KCNAB1: variants seen among roughly 807,000 people sequenced by gnomAD.
The protein encoded by KCNAB1 is voltage-gated potassium channel subunit beta-1.
Under a neutral mutation model 64.6 loss-of-function variants are expected in KCNAB1, and 35 were observed. The ratio of observed to expected loss-of-function variants is 0.54; its 90% CI spans 0.41 to 0.72. KCNAB1 has a LOEUF of 0.72. Ranked by LOEUF, KCNAB1 falls within the 30% of genes least tolerant of loss-of-function variation. The probability of loss-of-function intolerance (pLI) is 0.00; values close to 1 mark genes in which losing one functional copy is unlikely to be tolerated. For synonymous variants in KCNAB1, 177 were observed against 183.8 expected (o/e 0.96, Z 0.30); for missense variants, 401 against 512.9 (o/e 0.78, Z 2.11).
At chr3:156,474,957 CTT>C (rs1714232226) in intron 8 of KCNAB1, 137 bp downstream of exon 8, 2 of 687,048 alleles carry the variant, frequency 2.9e-6, no homozygotes, top group Non-Finnish European at 4.9e-6. Context: ...TGACTGATGC[CTT>C]TTGGCCTCAG....
At chr3:156,143,352 A>G (rs1361556545) in intron 1 of KCNAB1, 2 of 1,612,104 alleles carry the variant, frequency 1.2e-6, no homozygotes, top group Non-Finnish European at 1.7e-6. Context: ...AATATGTGGA[A>G]AAGTTTCTAC....
chr3:156,538,751 A>C (rs1719253089), downstream of KCNAB1: 1 of 152,382 alleles, frequency 6.6e-6, no homozygotes, highest in Middle Eastern at 3.4e-3. Flanking sequence ...TGCACTGAAT[A>C]CTCAACAGAA....
chr3:156,307,009 T>G (rs923095689), intron 1 of KCNAB1, among the ~76,000 whole-genome samples: 1 of 152,224 alleles, frequency 6.6e-6, no homozygotes, highest in Non-Finnish European at 1.5e-5. Flanking sequence ...GTGTAAAAAT[T>G]AAATTTCCTT....
At chr3:156,156,908 A>C (rs1715760614) in intron 1 of KCNAB1, among the ~76,000 whole-genome samples, 1 of 152,144 alleles carries the variant, frequency 6.6e-6, no homozygotes, top group Admixed American at 6.5e-5. Context: ...GTGTAGAGAG[A>C]GATTATAACA....
At chr3:156,199,829 A>G (rs1714209099) in intron 1 of KCNAB1, among the ~76,000 whole-genome samples, 1 of 152,292 alleles carries the variant, frequency 6.6e-6, no homozygotes, top group East Asian at 1.9e-4. Context: ...TCAATTCATC[A>G]AACTCATTAT....
chr3:156,318,327 T>A (rs1722428242), intron 1 of KCNAB1, among the ~76,000 whole-genome samples: 1 of 152,086 alleles, frequency 6.6e-6, no homozygotes, highest in Non-Finnish European at 1.5e-5. Flanking sequence ...CTCTGAGGGG[T>A]CATCACAAAC....
At chr3:156,444,045 C>A (rs1003137586) in intron 2 of KCNAB1, among the ~76,000 whole-genome samples, 3 of 152,194 alleles carry the variant, frequency 2.0e-5, no homozygotes, top group Non-Finnish European at 4.4e-5. Flanking sequence ...GCCAGATGCT[C>A]ATTAGCAACA....
At chr3:156,263,792 G>C (rs1015503407) in intron 1 of KCNAB1, among the ~76,000 whole-genome samples, 1 of 152,000 alleles carries the variant, frequency 6.6e-6, no homozygotes, top group Non-Finnish European at 1.5e-5. Context: ...TATGTAAATA[G>C]TTGCATTGTA....
At chr3:156,349,603 C>T (rs1724724511) in intron 1 of KCNAB1, among the ~76,000 whole-genome samples, 1 of 152,154 alleles carries the variant, frequency 6.6e-6, no homozygotes, top group Non-Finnish European at 1.5e-5. Context: ...ACTCTGTCAC[C>T]CAGGCTGGAG....
At chr3:156,352,565 T>A (rs1216431150) in intron 1 of KCNAB1, among the ~76,000 whole-genome samples, 1 of 152,238 alleles carries the variant, frequency 6.6e-6, no homozygotes, top group Non-Finnish European at 1.5e-5. Context: ...GAGTATCCCA[T>A]ACTTTAATGG....
At chr3:156,237,975 T>C (rs940249657) in intron 1 of KCNAB1, among the ~76,000 whole-genome samples, 1 of 152,138 alleles carries the variant, frequency 6.6e-6, no homozygotes, top group African/African-American at 2.4e-5. Flanking sequence ...AGGGGTTGGA[T>C]AGACATTTGT....
At chr3:156,511,628 ACT>A (rs1267295171) in intron 8 of KCNAB1, among the ~76,000 whole-genome samples, 17 of 151,214 alleles carry the variant, frequency 1.1e-4, no homozygotes, top group African/African-American at 3.2e-4. Context: ...TCCATCCACC[ACT>A]CTCTCTGTTT....
At chr3:156,291,840 T>G in intron 1 of KCNAB1, 12 of 1,601,714 alleles carry the variant, frequency 7.5e-6, no homozygotes, top group Non-Finnish European at 1.0e-5. Context: ...TCCCCGCAAC[T>G]GCTCAACCTC....
intron 6 of KCNAB1, among the ~76,000 whole-genome samples, chr3:156,464,479 G>A (rs1356779467): frequency 1.1e-5 from 1 of 93,128 alleles, no homozygotes; most frequent in East Asian, 2.9e-4. Context: ...GACAGAAATC[G>A]CAAAAAAATA....
intron 1 of KCNAB1, among the ~76,000 whole-genome samples, chr3:156,135,189 G>A (rs1340402843): frequency 6.6e-6 from 1 of 151,814 alleles, no homozygotes; most frequent in African/African-American, 2.4e-5. Flanking sequence ...TAGAGACAGG[G>A]TTTCATCATG....
At position 156,364,569 on chromosome 3, in the gene KCNAB1, G is replaced by A. The variant is rs149623072; in HGVS notation, c.276-57047G>A. Among the ~76,000 whole-genome samples the A allele has an allele frequency of 6.0e-3, 914 of 152,134 alleles. 10 individuals carry two copies. The highest frequency in any genetic ancestry group is 0.02 in the African/African-American group (837 of 41,514). ...CGAGGCGGGCGGATCACCTAAGGTCGGGAGTTCGAGACCACCCTAACCAAC... is the reference window on the plus strand; with the variant it reads ...CGAGGCGGGCGGATCACCTAAGGTCAGGAGTTCGAGACCACCCTAACCAAC... On this transcript the variant is annotated intron_variant, in intron 1 of 13. Transcript: ENST00000490337.
intron 1 of KCNAB1, among the ~76,000 whole-genome samples, chr3:156,196,173 T>A (rs1324450208): frequency 6.6e-6 from 1 of 152,252 alleles, no homozygotes; most frequent in Non-Finnish European, 1.5e-5. Flanking sequence ...ATTACCATGC[T>A]GTTTTGGTAC....
At chr3:156,356,196 AAGAAAGAAG>A (rs1444517309) in intron 1 of KCNAB1, among the ~76,000 whole-genome samples, 1 of 151,824 alleles carries the variant, frequency 6.6e-6, no homozygotes, top group Non-Finnish European at 1.5e-5. Context: ...GAAAGAAAGA[AAGAAAGAAG>A]AGAAATGTGA....
intron 1 of KCNAB1, among the ~76,000 whole-genome samples, chr3:156,410,850 G>A (rs1306542217): frequency 6.6e-6 from 1 of 152,202 alleles, no homozygotes; most frequent in African/African-American, 2.4e-5. Context: ...TCCGTTGGCA[G>A]ATATCTGGGG....
Sources: gnomAD v4.1 joint callset for allele counts (sites outside exome capture counted in the v4.1 genomes callset) on GRCh38, gnomAD v4.1.1 for gene constraint, MANE v1.5 for transcripts, NCBI Gene and HGNC (gene_info 2026-07-23, HGNC 2026-07-21) for gene names.